ACSM6: variants seen among roughly 807,000 people sequenced by gnomAD.
ACSM6 encodes acyl-coenzyme A synthetase ACSM6, mitochondrial.
In ACSM6, 35 loss-of-function variants were observed where a neutral mutation model predicts 51.1. That is an observed-to-expected ratio of 0.69 (90% CI 0.52 to 0.91). The LOEUF is 0.91. Among genes scored for constraint, ACSM6 ranks in the 40% least tolerant of loss-of-function variants. The pLI is 0.00. For synonymous variants in ACSM6, 172 were observed against 207.3 expected, an observed-to-expected ratio of 0.83 and a Z score of 1.46; for missense variants, 509 against 584.1, an observed-to-expected ratio of 0.87 and a Z score of 1.32.
chr10:95,197,375 TG>T (rs2034741040), intron 2 of ACSM6, among the ~76,000 whole-genome samples: 1 of 152,118 alleles, frequency 6.6e-6, no homozygotes, highest in Non-Finnish European at 1.5e-5. Context: ...CAGTTTTTAT[TG>T]ATTATTATCT....
intron 8 of ACSM6, among the ~76,000 whole-genome samples, chr10:95,218,867 A>T (rs889754634): frequency 8.0e-6 from 1 of 125,600 alleles, no homozygotes. Context: ...CCTCAAAAAC[A>T]TTCAGAATCT....
At chr10:95,220,723 T>G (rs1422704012) in intron 9 of ACSM6, among the ~76,000 whole-genome samples, 1 of 152,176 alleles carries the variant, frequency 6.6e-6, no homozygotes, top group Non-Finnish European at 1.5e-5. Flanking sequence ...TTTTTTGTTT[T>G]TTGTTTGCCT....
chr10:95,194,779 A>C, intron 2 of ACSM6, 102 bp downstream of exon 2: 2 of 1,079,610 alleles, frequency 1.9e-6, no homozygotes, highest in Non-Finnish European at 2.6e-6. Context: ...TGGCACTAGA[A>C]AGTGCAAATT....
rs117211341 is a variant in ACSM6, at chr10:95,215,178, A to G, written c.1119+203A>G. On this transcript the variant is annotated intron_variant, in intron 8 of 10. Coordinates refer to ENST00000341686, the Ensembl canonical transcript of ACSM6. ...GTACAGATAACTTACAGATTTACAG[A>G]TTTCACAACAGAAACTTGAACTAGT... is the stretch of plus-strand genomic sequence containing the variant. 7.4e-4 allele frequency among the ~76,000 whole-genome samples: 112 copies of G among 152,340 alleles called. 1 individual carries two copies. In the East Asian group the frequency reaches 0.02, roughly 28 times the overall value.
At chr10:95,203,857 T>TA (rs34969526) in intron 3 of ACSM6, among the ~76,000 whole-genome samples, 4,076 of 106,794 alleles carry the variant, frequency 0.038, 104 homozygotes, top group Middle Eastern at 0.11. Context: ...ATGCTAGATT[T>TA]AAAAAAAAAA....
At chr10:95,194,374 T>C in intron 1 of ACSM6, 71 bp downstream of exon 1, 1 of 997,322 alleles carries the variant, frequency 1.0e-6, no homozygotes, top group Non-Finnish European at 1.5e-6. Context: ...GGAAATTGTT[T>C]GCCTTATGGA....
At chr10:95,195,866 C>A (rs1346618819) in intron 2 of ACSM6, among the ~76,000 whole-genome samples, 3 of 152,090 alleles carry the variant, frequency 2.0e-5, no homozygotes, top group Non-Finnish European at 4.4e-5. Context: ...TAATTTTTAC[C>A]CATTTGGGCC....
At chr10:95,199,600 C>T (rs1159939340) in intron 2 of ACSM6, among the ~76,000 whole-genome samples, 1 of 152,130 alleles carries the variant, frequency 6.6e-6, no homozygotes, top group Non-Finnish European at 1.5e-5. Flanking sequence ...GCAACCTACT[C>T]ATCTGACAAA....
intron 2 of ACSM6, among the ~76,000 whole-genome samples, chr10:95,195,532 A>G (rs1030045197): frequency 2.0e-5 from 3 of 152,174 alleles, no homozygotes; most frequent in Non-Finnish European, 2.9e-5. Flanking sequence ...CTCTCTGGCT[A>G]GGTAACTCTG....
chr10:95,225,728 T>C (rs2035030623), intron 10 of ACSM6: 1 of 179,748 alleles, frequency 5.6e-6, no homozygotes, highest in East Asian at 1.5e-4. Flanking sequence ...AAATTAAAAA[T>C]AATTATTTAA....
At position 95,207,216 on chromosome 10, in the gene ACSM6, T is replaced by C. The variant is rs758075362; in HGVS notation, c.412T>C (p.Phe138Leu). 10 of 1,614,074 alleles carry C rather than the reference T, an allele frequency of 6.2e-6. No homozygotes were observed. The East Asian group carries it at 2.0e-4, about 32-fold the overall frequency. Residue 138 changes from phenylalanine to leucine, a missense_variant, in exon 4 of 11, where the codon TTT (phenylalanine) becomes CTT (leucine). Physicochemically the swap from Phe to Leu is conservative, Grantham distance 22. Transcript: ENST00000341686. ...TTTGTGGTTTTTTTCAGGAATCACC[T>C]TTGTGCCTGGGAGCCCCCAGCTGAC...
chr10:95,228,610 T>C (rs1266708626), intron 10 of ACSM6, 34 bp from the exon 11 acceptor site: 1 of 1,541,860 alleles, frequency 6.5e-7, no homozygotes, highest in East Asian at 2.5e-5. Context: ...GAGAGGGAAG[T>C]AAATGTAGGT....
intron 9 of ACSM6, among the ~76,000 whole-genome samples, chr10:95,224,565 T>C (rs1013393108): frequency 6.6e-6 from 1 of 151,966 alleles, no homozygotes; most frequent in South Asian, 2.1e-4. Context: ...CACGCCCAGC[T>C]AATTTTGTAT....
rs564265451 is a variant in ACSM6, at chr10:95,221,406, G to A, written c.1200+1435G>A. ...GTTCAAGACCATCCTGGCCAACATGGTGAAACCCCGTCTTTACAAAAATAC... is the reference window on the plus strand; with the variant it reads ...GTTCAAGACCATCCTGGCCAACATGATGAAACCCCGTCTTTACAAAAATAC... On this transcript the variant is annotated intron_variant, in intron 9 of 10. Coordinates refer to ENST00000341686, the Ensembl canonical transcript of ACSM6. Among the ~76,000 whole-genome samples, 16 of 152,236 alleles carry A rather than the reference G, an allele frequency of 1.1e-4. No individual in the cohort carries two copies. The South Asian group carries it at 2.7e-3, about 26-fold the overall frequency.
At chr10:95,220,016 C>A in intron 9 of ACSM6, 45 bp downstream of exon 9, 1 of 1,475,690 alleles carries the variant, frequency 6.8e-7, no homozygotes, top group Non-Finnish European at 9.4e-7. Flanking sequence ...ATTAAGTGAG[C>A]TCTTACAGTT....
Position 95,221,148 on chromosome 10 carries a change from C to A in ACSM6, c.1200+1177C>A, listed in dbSNP as rs146746866. On this transcript the variant is annotated intron_variant, in intron 9 of 10. Coordinates refer to ENST00000341686, the Ensembl canonical transcript of ACSM6. ...CTTAGGATTTTCTTAGAAAAAAAAT[C>A]TTCCTACAAAATCAACAAACCTTAG... Among the ~76,000 whole-genome samples the A allele has an allele frequency of 3.3e-5, 5 of 152,060 alleles. No individual in the cohort carries two copies. The East Asian group carries it at 9.6e-4, about 29-fold the overall frequency.
intron 8 of ACSM6, 131 bp from the exon 9 acceptor site, chr10:95,219,760 A>G (rs1264914198): frequency 1.6e-6 from 1 of 635,454 alleles, no homozygotes; most frequent in African/African-American, 1.8e-5. Context: ...TTTTTTTTTA[A>G]TCAAGATTAC....
At chr10:95,222,621 C>CAA (rs1196424902) in intron 9 of ACSM6, among the ~76,000 whole-genome samples, 4 of 85,632 alleles carry the variant, frequency 4.7e-5, no homozygotes, top group Non-Finnish European at 9.7e-5. Context: ...AGATCTGTCT[C>CAA]AAAAAAAAAA....
chr10:95,227,839 A>G (rs1296534716), intron 10 of ACSM6, among the ~76,000 whole-genome samples: 1 of 152,212 alleles, frequency 6.6e-6, no homozygotes, highest in African/African-American at 2.4e-5. Context: ...AGGCCAAGGC[A>G]GGCGGATCAC....
Sources: gnomAD v4.1 joint callset for allele counts (sites outside exome capture counted in the v4.1 genomes callset) on GRCh38, gnomAD v4.1.1 for gene constraint, MANE v1.5 for transcripts, NCBI Gene and HGNC (gene_info 2026-07-23, HGNC 2026-07-21) for gene names.